The following GNE variants were observed in gnomAD, a reference collection of about 807,000 sequenced individuals.
GNE encodes the protein glucosamine (UDP-N-acetyl)-2-epimerase/N-acetylmannosamine kinase.
A neutral mutation model predicts 61.8 loss-of-function variants in GNE; 41 were observed. That is an observed-to-expected ratio of 0.66 (90% confidence interval 0.52 to 0.86). GNE has a LOEUF of 0.86. GNE is among the 40% of genes least tolerant of loss of function. The pLI, the probability that GNE is intolerant of heterozygous loss-of-function variation, is 0.00. For synonymous variants in GNE, 264 were observed against 326.4 expected (o/e 0.81, Z 2.06); for missense variants, 608 against 909.1 (o/e 0.67, Z 4.26).
chr9:36,259,807 C>G (rs1297813441), upstream of GNE, among the ~76,000 whole-genome samples: 1 of 152,146 alleles, frequency 6.6e-6, no homozygotes, highest in Non-Finnish European at 1.5e-5. Flanking sequence ...ATTACAGGCA[C>G]ACACCACCAT....
At position 36,216,391 on chromosome 9, in the gene GNE, A is replaced by G. The variant is rs1232592801; in HGVS notation, c.*974T>C. ...CGCTCTGTCACCCAGGGTGGAGTGC[A>G]GTGGCATGATCTCGGCTCACTGCAA... is the stretch of plus-strand genomic sequence containing the variant. On this transcript the variant is annotated 3_prime_UTR_variant, in exon 12 of 12. Coordinates refer to ENST00000642385, the MANE Select transcript of GNE (RefSeq NM_005476.7). The G allele has an allele frequency of 2.2e-5, 7 of 317,872 alleles. No individual in the cohort carries two copies. Among genetic ancestry groups the G allele is most frequent in the Non-Finnish European group, 3.3e-5 (5 of 152,424 alleles). 19.7% of individuals were successfully genotyped at this position (317,872 alleles called of 1,614,324 possible).
At chr9:36,234,661 A>G (rs1299488322) in intron 4 of GNE, among the ~76,000 whole-genome samples, 2 of 152,220 alleles carry the variant, frequency 1.3e-5, no homozygotes, top group Non-Finnish European at 2.9e-5. Flanking sequence ...CTTAATAAAA[A>G]TTTAAAGATA....
chr9:36,228,257 A>AT (rs1199284613), intron 6 of GNE, among the ~76,000 whole-genome samples: 6 of 151,772 alleles, frequency 4.0e-5, no homozygotes, highest in Admixed American at 2.0e-4. Context: ...AAGTGCCTGT[A>AT]TTTTTTTGCT....
In GNE at chr9:36,249,349, T is replaced by TCTC; in HGVS notation, c.4_6dup (p.Glu2dup). 6.2e-7 allele frequency: 1 copy of TCTC among 1,613,712 alleles called. No individual in the cohort carries two copies. The highest frequency in any genetic ancestry group is 8.5e-7 in the Non-Finnish European group (1 of 1,179,658). The stretch of plus-strand genomic sequence containing the variant: ...CGCAGCTTTCGGTTATTTCCATTCT[T>TCTC]CTCCATGATTTGCTTGTTTCGTTTT... On this transcript the variant is annotated inframe_insertion, in exon 2 of 12. Transcript: ENST00000642385.
Position 36,242,713 on chromosome 9 carries a change from T to G in GNE, c.616+3318A>C, listed in dbSNP as rs1316972761. 6.8e-5 allele frequency among the ~76,000 whole-genome samples: 10 copies of G among 148,070 alleles called. No individual in the cohort carries two copies. In the Admixed American group the frequency reaches 6.8e-4, roughly 10 times the overall value. ...GATTACAGGTGTGAGCCACCGCATC[T>G]GGCCTGGGTTTTATGCTTGTTTTTT... On this transcript the variant is annotated intron_variant, in intron 3 of 11. Coordinates refer to ENST00000642385, the MANE Select transcript of GNE (RefSeq NM_005476.7).
intron 10 of GNE, among the ~76,000 whole-genome samples, chr9:36,219,298 G>A (rs555960482): frequency 2.1e-4 from 32 of 152,052 alleles, no homozygotes; most frequent in African/African-American, 7.0e-4. Flanking sequence ...TGGACCCTCT[G>A]CCTGGCTTTG....
At chr9:36,256,441 C>T (rs1253943756) in intron 1 of GNE, among the ~76,000 whole-genome samples, 2 of 151,644 alleles carry the variant, frequency 1.3e-5, no homozygotes, top group African/African-American at 4.8e-5. Context: ...GATGAGGTTT[C>T]ATCATGTTGG....
At chr9:36,255,905 A>G (rs546203948) in intron 1 of GNE, among the ~76,000 whole-genome samples, 13 of 152,276 alleles carry the variant, frequency 8.5e-5, no homozygotes, top group Non-Finnish European at 1.6e-4. Context: ...CTCACTGGCA[A>G]TCGCTGAAAA....
intron 3 of GNE, among the ~76,000 whole-genome samples, chr9:36,238,004 T>C (rs1019228630): frequency 3.3e-5 from 5 of 152,156 alleles, no homozygotes; most frequent in African/African-American, 9.7e-5. Context: ...TTCCTTTTTA[T>C]GGCTGCATAG....
intron 1 of GNE, among the ~76,000 whole-genome samples, chr9:36,257,886 C>A (rs1466510812): frequency 4.0e-5 from 6 of 148,940 alleles, no homozygotes; most frequent in Non-Finnish European, 8.9e-5. Flanking sequence ...CAAGGAAGCC[C>A]AGACTCAGAA....
At chr9:36,252,110 C>T (rs773611501) in intron 1 of GNE, among the ~76,000 whole-genome samples, 20 of 151,926 alleles carry the variant, frequency 1.3e-4, no homozygotes, top group African/African-American at 4.6e-4. Flanking sequence ...CTCAGCCTCC[C>T]GAGTAGCTGG....
chr9:36,249,459 A>C, intron 1 of GNE, 62 bp from the exon 2 acceptor site: 2 of 1,039,664 alleles, frequency 1.9e-6, no homozygotes, highest in Non-Finnish European at 2.8e-6. Flanking sequence ...CTAAACTTTA[A>C]ACTTCTCTAA....
chr9:36,214,512 A>T lies in GNE; in HGVS notation c.*2853T>A, dbSNP rs1433374886. 6.6e-6 allele frequency: 1 copy of T among 152,216 alleles called. No homozygotes were observed. Among genetic ancestry groups the T allele is most frequent in the Non-Finnish European group, 1.5e-5 (1 of 68,042 alleles). The allele number at this position is 152,216 out of a possible 1,614,324, so 9.4% of individuals were successfully genotyped here. ...AACAGTAACAAAAATATTTACATTAAAATAAATTAACATGCAATTACTTAA... is the reference window on the plus strand; with the variant it reads ...AACAGTAACAAAAATATTTACATTATAATAAATTAACATGCAATTACTTAA... On this transcript the variant is annotated 3_prime_UTR_variant, in exon 12 of 12. Transcript: ENST00000642385.
At chr9:36,260,785 C>T (rs550775555), upstream of GNE, among the ~76,000 whole-genome samples, 72 of 141,766 alleles carry the variant, frequency 5.1e-4, no homozygotes, top group Non-Finnish European at 9.8e-4. Flanking sequence ...AGGAGAATGG[C>T]GTGAACCTGG....
chr9:36,246,513 A>G, intron 2 of GNE, 31 bp from the exon 3 acceptor site: 1 of 1,526,530 alleles, frequency 6.6e-7, no homozygotes, highest in South Asian at 1.1e-5. Flanking sequence ...AGATATAAGA[A>G]CATGTTCTTA....
At chr9:36,257,801 TCAAAAAAAAAAAA>T (rs1248305819) in intron 1 of GNE, among the ~76,000 whole-genome samples, 2 of 5,362 alleles carry the variant, frequency 3.7e-4, no homozygotes, top group African/African-American at 7.1e-4. Context: ...AGACTCAGTC[TCAAAAAAAAAAAA>T]AAAAAAAAAA....
chr9:36,249,606 T>C (rs756782621), intron 1 of GNE, among the ~76,000 whole-genome samples: 6 of 151,680 alleles, frequency 4.0e-5, no homozygotes, highest in Non-Finnish European at 7.4e-5. Flanking sequence ...AGGCTGGGAG[T>C]GGTGGCTTAC....
Position 36,218,357 on chromosome 9 carries a change from C to G in GNE, c.1817-58G>C. ...ATGAGCTGTGGGGAGGCCAAGCTCA[C>G]CACTGGGCCTGTGGAAAGCAAGCCC... On this transcript the variant is annotated intron_variant, in intron 10 of 11. Transcript: ENST00000642385. The surrounding 1 kb of genome is among the most constrained non-coding windows in gnomAD (Gnocchi z 4.1). 3 of 1,220,806 alleles carry G rather than the reference C, an allele frequency of 2.5e-6. No individual in the cohort carries two copies. The highest frequency in any genetic ancestry group is 3.6e-6 in the Non-Finnish European group (3 of 822,128). The allele number at this position is 1,220,806 out of a possible 1,614,324, so 75.6% of individuals were successfully genotyped here. A position where few individuals can be genotyped will look rare whatever the true frequency, so the allele number is the denominator to read the frequency against.
intron 1 of GNE, among the ~76,000 whole-genome samples, chr9:36,274,666 T>G (rs1237446519): frequency 2.0e-5 from 3 of 152,090 alleles, no homozygotes. Flanking sequence ...CTTCCTTATA[T>G]CTCATTTTAG....
Sources: allele counts gnomAD v4.1 joint callset (sites outside exome capture counted in the v4.1 genomes callset), GRCh38; gene constraint gnomAD v4.1.1; non-coding constraint Gnocchi (gnomAD v3.1); transcripts MANE v1.5; gene names NCBI Gene and HGNC (gene_info 2026-07-23, HGNC 2026-07-21).